PLCG2: variants seen among roughly 807,000 people sequenced by gnomAD.
PLCG2 encodes phospholipase C gamma 2, also known as 1-phosphatidylinositol 4,5-bisphosphate phosphodiesterase gamma-2.
PLCG2 carries 69 observed loss-of-function variants against 175.6 expected under a neutral mutation model. The ratio of observed to expected loss-of-function variants is 0.39; its 90% CI spans 0.32 to 0.48. The LOEUF is 0.48. Ranked by LOEUF, PLCG2 falls within the 20% of genes least tolerant of loss-of-function variation. PLCG2 has a pLI of 0.91. For synonymous variants in PLCG2, 827 were observed against 624.0 expected, an observed-to-expected ratio of 1.33 and a Z score of -4.85; for missense variants, 1,798 against 1,650.9, an observed-to-expected ratio of 1.09 and a Z score of -1.54.
intron 3 of PLCG2, 161 bp from the exon 4 acceptor site, chr16:81,858,102 G>C: frequency 3.2e-6 from 2 of 615,698 alleles, no homozygotes; most frequent in Admixed American, 5.1e-5. Flanking sequence ...GCAGGTCCTA[G>C]GGCCATGACG....
intron 2 of PLCG2, among the ~76,000 whole-genome samples, chr16:81,819,196 G>A (rs774079610): frequency 3.9e-5 from 6 of 152,154 alleles, no homozygotes; most frequent in South Asian, 2.1e-4. Context: ...GTTGGGTGCC[G>A]GGCTGCTTCT....
In PLCG2 at chr16:81,782,952, C is replaced by A. The variant is rs903876330; in HGVS notation, c.-47-2991C>A. Reference sequence around the variant, plus strand: ...CTCCTTTAGGGCAACCTGTGAGCAGCTATTACAAAGCAATTGGTGAGACGC... The same window carrying A: ...CTCCTTTAGGGCAACCTGTGAGCAGATATTACAAAGCAATTGGTGAGACGC... On this transcript the variant is annotated intron_variant, in intron 1 of 32. Transcript: ENST00000564138. Among the ~76,000 whole-genome samples the A allele has an allele frequency of 2.0e-5, 3 of 152,206 alleles. No individual in the cohort carries two copies. The East Asian group carries it at 5.8e-4, about 29-fold the overall frequency.
At chr16:81,760,760 T>TAAA (rs55942382) in intron 2 of PLCG2, among the ~76,000 whole-genome samples, 15 of 139,546 alleles carry the variant, frequency 1.1e-4, no homozygotes, top group South Asian at 4.6e-4. Flanking sequence ...AAAAAAAAAA[T>TAAA]AATAATAATA....
At chr16:81,743,394 G>C (rs1317816529) in intron 1 of PLCG2, among the ~76,000 whole-genome samples, 1 of 152,154 alleles carries the variant, frequency 6.6e-6, no homozygotes, top group Non-Finnish European at 1.5e-5. Flanking sequence ...TCTGTCTCTT[G>C]ACTGGACCGA....
intron 7 of PLCG2, among the ~76,000 whole-genome samples, chr16:81,879,629 T>C (rs1335013591): frequency 6.6e-6 from 1 of 152,112 alleles, no homozygotes; most frequent in East Asian, 1.9e-4. Context: ...AGGAGATGTT[T>C]TATGTCGTTA....
chr16:81,919,811 A>T (rs1248318903), intron 20 of PLCG2, 147 bp downstream of exon 20: 1 of 650,370 alleles, frequency 1.5e-6, no homozygotes, highest in African/African-American at 1.8e-5. Flanking sequence ...CACAACAAAG[A>T]CCCTGCCGTT....
chr16:81,898,957 G>C (rs529395288), intron 13 of PLCG2, among the ~76,000 whole-genome samples: 1 of 150,852 alleles, frequency 6.6e-6, no homozygotes, highest in Non-Finnish European at 1.5e-5. Flanking sequence ...GGCTGAGGCG[G>C]GTGGATCAAC....
At chr16:81,740,750 A>AAAAAAAAAC (rs1909574342) in intron 1 of PLCG2, among the ~76,000 whole-genome samples, 1 of 144,970 alleles carries the variant, frequency 6.9e-6, no homozygotes, top group African/African-American at 2.5e-5. Flanking sequence ...AAAAAAAAAA[A>AAAAAAAAAC]AAAAAAAAAA....
At chr16:81,951,686 AAT>A (rs1911372362) in intron 31 of PLCG2, among the ~76,000 whole-genome samples, 1 of 152,202 alleles carries the variant, frequency 6.6e-6, no homozygotes, top group Non-Finnish European at 1.5e-5. Context: ...AACTTCAAAA[AAT>A]AGCAAATATC....
intron 1 of PLCG2, among the ~76,000 whole-genome samples, chr16:81,752,769 G>C (rs1342995432): frequency 2.6e-5 from 4 of 152,228 alleles, no homozygotes; most frequent in Non-Finnish European, 5.9e-5. Context: ...CCAGGGAAGT[G>C]AGGGCCAGTG....
chr16:81,865,842 C>T (rs1907204110), intron 5 of PLCG2, among the ~76,000 whole-genome samples: 1 of 135,770 alleles, frequency 7.4e-6, no homozygotes, highest in Admixed American at 7.6e-5. Context: ...CTCCCTTGCT[C>T]CCAGGGTGAG....
At position 81,807,537 on chromosome 16, in the gene PLCG2, T is replaced by C. The variant is rs1422055810; in HGVS notation, c.193+21355T>C. 2.0e-5 allele frequency among the ~76,000 whole-genome samples: 3 copies of C among 152,362 alleles called. No individual in the cohort carries two copies. The East Asian group carries it at 5.8e-4, about 29-fold the overall frequency. ...TAAGAGCTGACATTTATGTAGTATATGTTTATGTACCTGTTACAGCTCTAA... is the reference window on the plus strand; with the variant it reads ...TAAGAGCTGACATTTATGTAGTATACGTTTATGTACCTGTTACAGCTCTAA... On this transcript the variant is annotated intron_variant, in intron 2 of 32. Transcript: ENST00000564138.
At chr16:81,929,153 G>T (rs1455387685) in intron 24 of PLCG2, among the ~76,000 whole-genome samples, 4 of 152,228 alleles carry the variant, frequency 2.6e-5, no homozygotes, top group African/African-American at 9.6e-5. Flanking sequence ...CCCAAGGCTA[G>T]GCTTGTCCAG....
intron 14 of PLCG2, among the ~76,000 whole-genome samples, chr16:81,905,113 C>T (rs550821543): frequency 3.7e-4 from 56 of 152,344 alleles, no homozygotes; most frequent in African/African-American, 1.3e-3. Context: ...TCTAGAACTC[C>T]TGAGCTCAAG....
In PLCG2 at chr16:81,869,123, G is replaced by C. The variant is rs1489786297; in HGVS notation, c.480-91G>C. 4 of 876,720 alleles carry C rather than the reference G, an allele frequency of 4.6e-6. No homozygotes were observed. The East Asian group carries it at 1.0e-4, about 22-fold the overall frequency. The allele number at this position is 876,720 out of a possible 1,614,324, so 54.3% of individuals were successfully genotyped here. A position where few individuals can be genotyped will look rare whatever the true frequency, so the allele number is the denominator to read the frequency against. The stretch of plus-strand genomic sequence containing the variant: ...CTGTTGACCAGGCTCTCTCATAGAG[G>C]GCTGCCTGAGGTGGGAACTGATGGG... On this transcript the variant is annotated intron_variant, in intron 5 of 32. Coordinates refer to ENST00000564138, the MANE Select transcript of PLCG2 (RefSeq NM_002661.5).
At chr16:81,950,055 C>T (rs1911306669) in intron 31 of PLCG2, among the ~76,000 whole-genome samples, 1 of 151,926 alleles carries the variant, frequency 6.6e-6, no homozygotes. Flanking sequence ...ATAAACTTGA[C>T]CAAGAGAGTA....
At chr16:81,811,874 G>A (rs1051399793) in intron 2 of PLCG2, among the ~76,000 whole-genome samples, 20 of 151,912 alleles carry the variant, frequency 1.3e-4, no homozygotes, top group Non-Finnish European at 2.2e-4. Context: ...CAATCCTTTC[G>A]GTTTATACCC....
At chr16:81,760,348 C>T (rs1910012014) in intron 2 of PLCG2, among the ~76,000 whole-genome samples, 3 of 152,260 alleles carry the variant, frequency 2.0e-5, no homozygotes, top group South Asian at 4.1e-4. Context: ...TCTCTCCCTC[C>T]AGATACCAGG....
intron 18 of PLCG2, among the ~76,000 whole-genome samples, chr16:81,911,198 T>C (rs977278189): frequency 2.6e-5 from 4 of 152,326 alleles, no homozygotes; most frequent in African/African-American, 9.6e-5. Flanking sequence ...TGCAAAAATG[T>C]CCATTTCCGA....
Sources: gnomAD v4.1 joint callset for allele counts (sites outside exome capture counted in the v4.1 genomes callset) on GRCh38, gnomAD v4.1.1 for gene constraint, MANE v1.5 for transcripts, NCBI Gene and HGNC (gene_info 2026-07-23, HGNC 2026-07-21) for gene names.